The following DDHD1 variants were observed in gnomAD, a reference collection of about 807,000 sequenced individuals.
DDHD1 encodes phospholipase DDHD1.
In DDHD1, 49 loss-of-function variants were observed where a neutral mutation model predicts 96.4. The ratio of observed to expected loss-of-function variants is 0.51; its 90% CI spans 0.40 to 0.64. The LOEUF is 0.64. DDHD1 is among the 30% of genes least tolerant of loss of function. The pLI, the probability that DDHD1 is intolerant of heterozygous loss-of-function variation, is 0.00. For missense variants in DDHD1, 1,106 were observed against 1,161.2 expected (o/e 0.95, Z 0.69); for synonymous variants, 442 against 446.5 (o/e 0.99, Z 0.13).
At chr14:53,098,674 G>A (rs1566563766) in intron 2 of DDHD1, among the ~76,000 whole-genome samples, 1 of 152,080 alleles carries the variant, frequency 6.6e-6, no homozygotes, top group East Asian at 1.9e-4. Context: ...TAGTTAGAAG[G>A]TGAGCACCCC....
intron 6 of DDHD1, among the ~76,000 whole-genome samples, chr14:53,067,964 T>A (rs1884184643): frequency 6.6e-6 from 1 of 152,146 alleles, no homozygotes; most frequent in Non-Finnish European, 1.5e-5. Context: ...TATGTCATGA[T>A]CTTTTACCCC....
At position 53,153,106 on chromosome 14, in the gene DDHD1, A is replaced by G; in HGVS notation, c.-8T>C. On this transcript the variant is annotated 5_prime_UTR_variant, in exon 1 of 13. Transcript: ENST00000673822. ...GCGGCCCGGGTAATTCATGCTGTGGAGACGCCGCCGGCTGTCCGGCGGCGC... is the reference window on the plus strand; with the variant it reads ...GCGGCCCGGGTAATTCATGCTGTGGGGACGCCGCCGGCTGTCCGGCGGCGC... The G allele has an allele frequency of 1.2e-5, 17 of 1,388,692 alleles. No individual in the cohort carries two copies. The highest frequency in any genetic ancestry group is 1.6e-5 in the South Asian group (1 of 60,914). 86.0% of individuals were successfully genotyped at this position (1,388,692 alleles called of 1,614,324 possible).
intron 1 of DDHD1, among the ~76,000 whole-genome samples, chr14:53,134,177 C>T (rs948403511): frequency 6.6e-6 from 1 of 152,186 alleles, no homozygotes; most frequent in African/African-American, 2.4e-5. Context: ...AAAACCTTGT[C>T]ATCCCTCCTA....
chr14:53,055,551 G>A (rs1595091052), intron 10 of DDHD1, 109 bp downstream of exon 10: 2 of 1,090,644 alleles, frequency 1.8e-6, no homozygotes, highest in East Asian at 2.4e-5. Flanking sequence ...TCTAGACACA[G>A]GGATTAACTG....
chr14:53,086,692 A>C (rs1885990226), intron 4 of DDHD1, among the ~76,000 whole-genome samples: 1 of 152,216 alleles, frequency 6.6e-6, no homozygotes, highest in Non-Finnish European at 1.5e-5. Flanking sequence ...AGCCACTGCA[A>C]AAACATGCCA....
Position 53,128,169 on chromosome 14 carries a change from G to A in DDHD1, c.838+24092C>T, listed in dbSNP as rs11847801. Among the ~76,000 whole-genome samples the A allele has an allele frequency of 1.7e-3, 254 of 152,322 alleles. 1 individual carries two copies. Among genetic ancestry groups the A allele is most frequent in the African/African-American group, 5.8e-3 (241 of 41,576 alleles). Reference sequence around the variant, plus strand: ...AGTTTCCTGAGGCCTCCCCAGCCACGTGGAACTGTGAGTCAATTAAACCCC... The same window carrying A: ...AGTTTCCTGAGGCCTCCCCAGCCACATGGAACTGTGAGTCAATTAAACCCC... On this transcript the variant is annotated intron_variant, in intron 1 of 12. Coordinates refer to ENST00000673822, the MANE Select transcript of DDHD1 (RefSeq NM_001160148.2).
intron 4 of DDHD1, among the ~76,000 whole-genome samples, chr14:53,083,306 AT>A (rs1885656737): frequency 6.6e-6 from 1 of 152,194 alleles, no homozygotes; most frequent in Non-Finnish European, 1.5e-5. Flanking sequence ...GTCTTCTAAG[AT>A]TATAGCTTTA....
At chr14:53,135,856 A>T (rs564630616) in intron 1 of DDHD1, among the ~76,000 whole-genome samples, 2 of 152,364 alleles carry the variant, frequency 1.3e-5, no homozygotes, top group South Asian at 4.1e-4. Context: ...TACAAAAGAC[A>T]GAAGAGGACA....
chr14:53,051,192 C>A (rs1882532774), intron 12 of DDHD1, among the ~76,000 whole-genome samples: 2 of 150,092 alleles, frequency 1.3e-5, no homozygotes, highest in African/African-American at 2.4e-5. Context: ...AAGACAAAAT[C>A]CAGCATTTTT....
chr14:53,086,583 T>C (rs1393267437), intron 4 of DDHD1, among the ~76,000 whole-genome samples: 3 of 152,040 alleles, frequency 2.0e-5, no homozygotes, highest in African/African-American at 7.2e-5. Flanking sequence ...AAAAAATCTT[T>C]TACAGACAAG....
intron 1 of DDHD1, among the ~76,000 whole-genome samples, chr14:53,124,234 T>C (rs1889251674): frequency 6.8e-6 from 1 of 147,560 alleles, no homozygotes; most frequent in Non-Finnish European, 1.5e-5. Context: ...AAACTCTGTC[T>C]CAAAAAAAAA....
chr14:53,152,123 CAATCTCCATCCTGCCCCA>C, intron 1 of DDHD1, 120 bp downstream of exon 1: 26 of 841,632 alleles, frequency 3.1e-5, no homozygotes, highest in Admixed American at 2.2e-4. Context: ...GCTCCCTGCT[CAATCTCCATCCTGCCCCA>C]GCCAAACGCC....
At chr14:53,054,227 A>G (rs1038985646) in intron 11 of DDHD1, 6 of 480,524 alleles carry the variant, frequency 1.2e-5, no homozygotes, top group African/African-American at 3.8e-5. Context: ...CTAATATTCT[A>G]TTAATTCATC....
rs1306288421 is a variant in DDHD1 at position 53,046,334 on chromosome 14, G to A, written c.*434C>T. ...TTTTCAAAGGGATGTACAAATGAAA[G>A]CCTTCATAGAAATCTAAAACGATAC... is the stretch of plus-strand genomic sequence containing the variant. On this transcript the variant is annotated 3_prime_UTR_variant, in exon 13 of 13. Transcript: ENST00000673822. The A allele has an allele frequency of 6.6e-6, 1 of 152,318 alleles. No homozygotes were observed. The highest frequency in any genetic ancestry group is 2.4e-5 in the African/African-American group (1 of 41,430). The allele number at this position is 152,318 out of a possible 1,614,324, so 9.4% of individuals were successfully genotyped here. A position where few individuals can be genotyped will look rare whatever the true frequency, so the allele number is the denominator to read the frequency against.
intron 1 of DDHD1, among the ~76,000 whole-genome samples, chr14:53,151,303 A>G (rs1823418820): frequency 6.6e-6 from 1 of 152,192 alleles, no homozygotes; most frequent in Admixed American, 6.5e-5. Flanking sequence ...GGCCCACGAA[A>G]ATTAAAAGTG....
At position 53,048,164 on chromosome 14, in the gene DDHD1, T is replaced by C. The variant is rs79840187; in HGVS notation, c.2522-1215A>G. Among the ~76,000 whole-genome samples the C allele has an allele frequency of 5.8e-4, 89 of 152,338 alleles. 5 individuals carry two copies. In the East Asian group the frequency reaches 0.017, roughly 29 times the overall value. The stretch of plus-strand genomic sequence containing the variant: ...ACAATACCATTTGGTAATTTAACAA[T>C]GCTTATACAGTTGTTATTTTTCTAT... On this transcript the variant is annotated intron_variant, in intron 12 of 12. Transcript: ENST00000673822.
chr14:53,143,585 T>C (rs1342417587), intron 1 of DDHD1, among the ~76,000 whole-genome samples: 6 of 152,108 alleles, frequency 3.9e-5, no homozygotes, highest in Non-Finnish European at 8.8e-5. Flanking sequence ...CCTGATTGGC[T>C]AGCGACTTAG....
intron 4 of DDHD1, among the ~76,000 whole-genome samples, chr14:53,076,959 T>C (rs1595130935): frequency 1.3e-5 from 2 of 152,214 alleles, no homozygotes; most frequent in Admixed American, 6.5e-5. Flanking sequence ...AGAAGCCAAT[T>C]TGTGCAACTT....
intron 1 of DDHD1, among the ~76,000 whole-genome samples, chr14:53,151,600 A>C (rs1891374956): frequency 6.6e-6 from 1 of 152,352 alleles, no homozygotes; most frequent in Non-Finnish European, 1.5e-5. Context: ...CAAATGAGGA[A>C]GACGAGGCAT....
Sources: allele counts gnomAD v4.1 joint callset (sites outside exome capture counted in the v4.1 genomes callset), GRCh38; gene constraint gnomAD v4.1.1; transcripts MANE v1.5; gene names NCBI Gene and HGNC (gene_info 2026-07-23, HGNC 2026-07-21).